The following PCDH9 variants were observed in gnomAD, a reference collection of about 807,000 sequenced individuals.
PCDH9 encodes the protein protocadherin 9.
A neutral mutation model predicts 70.6 loss-of-function variants in PCDH9; 24 were observed. The ratio of observed to expected loss-of-function variants is 0.34; its 90% CI spans 0.25 to 0.48. PCDH9 has a LOEUF of 0.48. Ranked by LOEUF, PCDH9 falls within the 20% of genes least tolerant of loss-of-function variation. The probability of loss-of-function intolerance (pLI) is 0.99; values close to 1 mark genes in which losing one functional copy is unlikely to be tolerated. For synonymous variants in PCDH9, 562 were observed against 558.5 expected, an observed-to-expected ratio of 1.01 and a Z score of -0.09; for missense variants, 1,281 against 1,503.6, an observed-to-expected ratio of 0.85 and a Z score of 2.45.
intron 2 of PCDH9, among the ~76,000 whole-genome samples, chr13:66,994,077 C>A (rs2139804518): frequency 6.6e-6 from 1 of 152,230 alleles, no homozygotes. Flanking sequence ...AACTAGAATA[C>A]CTGTAGAGCT....
chr13:66,871,782 C>G (rs893446162), intron 3 of PCDH9, among the ~76,000 whole-genome samples: 7 of 151,994 alleles, frequency 4.6e-5, no homozygotes, highest in African/African-American at 1.7e-4. Context: ...GACCTATTTC[C>G]CGGCAGGCAG....
intron 3 of PCDH9, among the ~76,000 whole-genome samples, chr13:66,776,362 T>C (rs1167613804): frequency 2.0e-5 from 3 of 150,826 alleles, no homozygotes; most frequent in Non-Finnish European, 4.4e-5. Flanking sequence ...GACGACATGA[T>C]TGTTTATCTA....
In PCDH9 at chr13:67,111,202, T is replaced by A. The variant is rs541086195; in HGVS notation, c.3036+114203A>T. ...TATTTTCTAATCACTTTTTGTAAAATAAGCATAAAGATCAAATTAAGTACT... is the reference window on the plus strand; with the variant it reads ...TATTTTCTAATCACTTTTTGTAAAAAAAGCATAAAGATCAAATTAAGTACT... On this transcript the variant is annotated intron_variant, in intron 2 of 4. Coordinates refer to ENST00000377865, the MANE Select transcript of PCDH9 (RefSeq NM_203487.3). Among the ~76,000 whole-genome samples, 285 of 152,324 alleles carry A rather than the reference T, an allele frequency of 1.9e-3. 1 individual carries two copies. The highest frequency in any genetic ancestry group is 6.7e-3 in the African/African-American group (277 of 41,586).
chr13:66,840,366 A>T (rs905528816), intron 3 of PCDH9, among the ~76,000 whole-genome samples: 2 of 152,250 alleles, frequency 1.3e-5, no homozygotes, highest in Non-Finnish European at 2.9e-5. Context: ...GAAAATAAAA[A>T]TATAGTTAAA....
chr13:67,091,036 A>G (rs2086207759), intron 2 of PCDH9, among the ~76,000 whole-genome samples: 1 of 152,076 alleles, frequency 6.6e-6, no homozygotes, highest in Non-Finnish European at 1.5e-5. Flanking sequence ...CTTTTCTTCC[A>G]AACTTCGTGT....
intron 4 of PCDH9, among the ~76,000 whole-genome samples, chr13:66,347,528 C>T (rs1485219108): frequency 6.6e-6 from 1 of 152,198 alleles, no homozygotes; most frequent in African/African-American, 2.4e-5. Context: ...AAAAACATCA[C>T]TTCAGAAATT....
At chr13:66,733,109 T>C (rs1383946646) in intron 3 of PCDH9, among the ~76,000 whole-genome samples, 3 of 152,154 alleles carry the variant, frequency 2.0e-5, no homozygotes, top group African/African-American at 4.8e-5. Flanking sequence ...TGTAGATCAT[T>C]ATCCTATAAA....
intron 2 of PCDH9, among the ~76,000 whole-genome samples, chr13:67,051,146 A>G (rs2085313853): frequency 6.6e-6 from 1 of 152,150 alleles, no homozygotes; most frequent in Non-Finnish European, 1.5e-5. Flanking sequence ...ATATCTACCC[A>G]CCAGACTGAC....
At chr13:66,384,213 T>TGTAATAAATTG (rs1956890963) in intron 4 of PCDH9, among the ~76,000 whole-genome samples, 1 of 152,138 alleles carries the variant, frequency 6.6e-6, no homozygotes, top group East Asian at 1.9e-4. Context: ...TGTTAAAGGT[T>TGTAATAAATTG]GAATACATCC....
intron 2 of PCDH9, among the ~76,000 whole-genome samples, chr13:67,029,679 C>G (rs2084865161): frequency 6.6e-6 from 1 of 152,144 alleles, no homozygotes; most frequent in Non-Finnish European, 1.5e-5. Context: ...TAAGCTTATT[C>G]ATCATTTTTT....
At chr13:66,736,361 C>G (rs1177209543) in intron 3 of PCDH9, among the ~76,000 whole-genome samples, 16 of 152,114 alleles carry the variant, frequency 1.1e-4, no homozygotes. Context: ...AAAGGGACAC[C>G]AGGTATGCAC....
intron 2 of PCDH9, among the ~76,000 whole-genome samples, chr13:67,052,473 C>T (rs2085341052): frequency 6.6e-6 from 1 of 151,912 alleles, no homozygotes; most frequent in South Asian, 2.1e-4. Context: ...GGGAGGTTAT[C>T]TGAAGGCTAA....
chr13:67,167,849 G>A (rs1031253785), intron 2 of PCDH9, among the ~76,000 whole-genome samples: 11 of 152,110 alleles, frequency 7.2e-5, no homozygotes, highest in Admixed American at 1.3e-4. Flanking sequence ...CAATATGTTA[G>A]CAATAGCATT....
intron 4 of PCDH9, among the ~76,000 whole-genome samples, chr13:66,373,449 T>C (rs970831615): frequency 1.7e-4 from 26 of 152,034 alleles, no homozygotes; most frequent in Admixed American, 4.6e-4. Context: ...TTAACACTAC[T>C]GAACTATATA....
At chr13:67,154,595 A>ATAT (rs1206022574) in intron 2 of PCDH9, among the ~76,000 whole-genome samples, 1 of 88,992 alleles carries the variant, frequency 1.1e-5, no homozygotes, top group African/African-American at 4.5e-5. Flanking sequence ...AAAAAAAAAA[A>ATAT]ATATATATAT....
At chr13:66,385,182 G>A (rs1282393785) in intron 4 of PCDH9, among the ~76,000 whole-genome samples, 2 of 151,968 alleles carry the variant, frequency 1.3e-5, no homozygotes, top group African/African-American at 4.8e-5. Flanking sequence ...TGTTGCAAAT[G>A]ACAGAATTTT....
At chr13:66,601,320 T>G (rs2077162582) in intron 4 of PCDH9, among the ~76,000 whole-genome samples, 1 of 146,134 alleles carries the variant, frequency 6.8e-6, no homozygotes, top group African/African-American at 2.5e-5. Flanking sequence ...AAAATGTACT[T>G]TGCTCTATTA....
At chr13:66,560,671 C>T (rs879355874) in intron 4 of PCDH9, among the ~76,000 whole-genome samples, 1 of 152,206 alleles carries the variant, frequency 6.6e-6, no homozygotes, top group Non-Finnish European at 1.5e-5. Context: ...ATAAAATTGG[C>T]TTCAAAATAC....
chr13:66,630,633 T>C (rs1357775603), intron 4 of PCDH9: 1 of 152,098 alleles, frequency 6.6e-6, no homozygotes, highest in Non-Finnish European at 1.5e-5. Context: ...AGAATTCAAG[T>C]AGACAATAAA....
Sources: gnomAD v4.1 joint callset for allele counts (sites outside exome capture counted in the v4.1 genomes callset) on GRCh38, gnomAD v4.1.1 for gene constraint, MANE v1.5 for transcripts, NCBI Gene and HGNC (gene_info 2026-07-23, HGNC 2026-07-21) for gene names.